Variants in ERICH1 observed in about 807,000 individuals in gnomAD.
ERICH1 encodes glutamate-rich protein 1.
A neutral mutation model predicts 39.6 loss-of-function variants in ERICH1; 56 were observed. The observed-to-expected ratio is 1.41, with a 90% CI of 1.14 to 1.77. ERICH1 has a LOEUF of 1.77. Among genes scored for constraint, ERICH1 ranks in the 40% most tolerant of loss-of-function variants. The pLI is 0.00. For missense variants in ERICH1, 826 were observed against 575.4 expected (o/e 1.44, Z -4.45); for synonymous variants, 313 against 223.6 (o/e 1.40, Z -3.57).
rs1327489189 is a variant in ERICH1, at chr8:634,181, AAAAAAC to A, written c.977-18903_977-18898del. ...ACTCCTAAAACTCAAAAAAAAAAAAAAAAAACAAACAAAAAAAACCCTGATTCAAAA... is the reference window on the plus strand; with the variant it reads ...ACTCCTAAAACTCAAAAAAAAAAAAAAAACAAAAAAAACCCTGATTCAAAA... On this transcript the variant is annotated intron_variant, in intron 3 of 3. Transcript: ENST00000522706. Among the ~76,000 whole-genome samples, 881 of 147,660 alleles carry A rather than the reference AAAAAAC, an allele frequency of 6.0e-3. 3 individuals carry two copies. The highest frequency in any genetic ancestry group is 0.021 in the African/African-American group (806 of 38,888).
chr8:665,211 C>A (rs769880342), intron 5 of ERICH1, among the ~76,000 whole-genome samples: 49 of 152,278 alleles, frequency 3.2e-4, no homozygotes, highest in South Asian at 1.5e-3. Context: ...CACCACCAAC[C>A]CTCAGAGCTT....
chr8:622,692 C>T (rs1193193121), intron 3 of ERICH1, among the ~76,000 whole-genome samples: 1 of 152,174 alleles, frequency 6.6e-6, no homozygotes, highest in Admixed American at 6.5e-5. Context: ...GTGGCTCACA[C>T]CTGTAATCCC....
intron 4 of ERICH1, 59 bp from the exon 5 acceptor site, chr8:668,851 GA>G: frequency 6.8e-7 from 1 of 1,476,348 alleles, no homozygotes; most frequent in Non-Finnish European, 9.1e-7. Context: ...ATAAACTAAA[GA>G]TAAGCTTTCC....
intron 3 of ERICH1, among the ~76,000 whole-genome samples, chr8:619,131 G>A (rs771222876): frequency 6.6e-6 from 1 of 151,788 alleles, no homozygotes; most frequent in Non-Finnish European, 1.5e-5. Flanking sequence ...AAAGAAAATG[G>A]GGGCCCTACT....
chr8:723,547 AAC>A (rs1480575446), intron 1 of ERICH1, among the ~76,000 whole-genome samples: 1 of 152,192 alleles, frequency 6.6e-6, no homozygotes, highest in Non-Finnish European at 1.5e-5. Context: ...AAAACCACAA[AAC>A]ACACACAAAC....
intron 3 of ERICH1, chr8:691,095 C>G (rs1808794691): frequency 6.6e-6 from 1 of 152,230 alleles, no homozygotes; most frequent in South Asian, 2.1e-4. Flanking sequence ...TGGGCATTTT[C>G]TCTTTCATTT....
At chr8:640,227 A>G (rs1480958427) in intron 3 of ERICH1, among the ~76,000 whole-genome samples, 1 of 152,228 alleles carries the variant, frequency 6.6e-6, no homozygotes, top group Non-Finnish European at 1.5e-5. Flanking sequence ...AAAAGGCAGC[A>G]GATGCTCCTT....
intron 3 of ERICH1, among the ~76,000 whole-genome samples, chr8:650,074 G>T (rs772507603): frequency 6.6e-6 from 1 of 152,220 alleles, no homozygotes; most frequent in Non-Finnish European, 1.5e-5. Flanking sequence ...CTTTCGTGCC[G>T]GTTCAGAAGA....
At chr8:632,814 G>A (rs1333234461) in intron 3 of ERICH1, among the ~76,000 whole-genome samples, 2 of 152,206 alleles carry the variant, frequency 1.3e-5, no homozygotes, top group South Asian at 4.1e-4. Flanking sequence ...ATTTGGCAAT[G>A]TGTGGAGTCA....
chr8:717,723 G>A (rs966260249), intron 1 of ERICH1, among the ~76,000 whole-genome samples: 7 of 152,258 alleles, frequency 4.6e-5, no homozygotes, highest in African/African-American at 1.7e-4. Flanking sequence ...GCCTGGGGCA[G>A]CCAACGCGGA....
chr8:716,036 G>T (rs372990979), intron 1 of ERICH1, 29 bp from the exon 2 acceptor site: 166 of 1,571,220 alleles, frequency 1.1e-4, no homozygotes, highest in Non-Finnish European at 1.3e-4. Flanking sequence ...AAAAGAAAAG[G>T]AGGAAAAGGA....
rs145737102 is a variant in ERICH1 at position 638,862 on chromosome 8, C to T, written c.977-23578G>A. ...ACGGCAGTCACCCGCTGCCCTTGTGCGCAATCGCTGCTCAGTGGACGCTGC... is the reference window on the plus strand; with the variant it reads ...ACGGCAGTCACCCGCTGCCCTTGTGTGCAATCGCTGCTCAGTGGACGCTGC... On this transcript the variant is annotated intron_variant, in intron 3 of 3. Transcript: ENST00000522706. 1.6e-3 allele frequency among the ~76,000 whole-genome samples: 245 copies of T among 152,208 alleles called. 3 individuals carry two copies. In the East Asian group the frequency reaches 0.043, roughly 27 times the overall value.
intron 3 of ERICH1, among the ~76,000 whole-genome samples, chr8:624,617 T>C (rs1359834748): frequency 6.6e-6 from 1 of 152,020 alleles, no homozygotes; most frequent in East Asian, 1.9e-4. Flanking sequence ...AAAGTCACAA[T>C]CCTGGCAGAA....
chr8:716,121 G>A (rs765916638), intron 1 of ERICH1, 114 bp from the exon 2 acceptor site: 16 of 1,298,292 alleles, frequency 1.2e-5, no homozygotes, highest in Middle Eastern at 4.7e-4. Context: ...AAGCACCAAC[G>A]GAGACCCAAG....
chr8:700,102 C>T (rs1262604472), intron 2 of ERICH1, among the ~76,000 whole-genome samples: 7 of 143,356 alleles, frequency 4.9e-5, no homozygotes, highest in African/African-American at 1.8e-4. Context: ...CGCACAGACC[C>T]GCACACGCGC....
chr8:620,261 G>C (rs539344368), intron 3 of ERICH1, among the ~76,000 whole-genome samples: 1 of 152,170 alleles, frequency 6.6e-6, no homozygotes, highest in Non-Finnish European at 1.5e-5. Flanking sequence ...GTAGTGAGCC[G>C]AGATTGTGCC....
chr8:666,105 C>G (rs951901737), intron 5 of ERICH1: 1 of 152,182 alleles, frequency 6.6e-6, no homozygotes, highest in South Asian at 2.1e-4. Context: ...TTCCTACACA[C>G]AGTTTAGTTC....
chr8:702,186 AAC>A (rs2132212935), intron 2 of ERICH1, among the ~76,000 whole-genome samples: 1 of 152,272 alleles, frequency 6.6e-6, no homozygotes, highest in East Asian at 1.9e-4. Flanking sequence ...GCTCCGCAGA[AAC>A]ACGGGCAAAG....
At chr8:700,656 T>C (rs1018955408) in intron 2 of ERICH1, among the ~76,000 whole-genome samples, 2 of 152,180 alleles carry the variant, frequency 1.3e-5, no homozygotes, top group African/African-American at 2.4e-5. Context: ...ATCACAGCTG[T>C]TTTATGTGCA....
Sources: allele counts gnomAD v4.1 joint callset (sites outside exome capture counted in the v4.1 genomes callset), GRCh38; gene constraint gnomAD v4.1.1; transcripts MANE v1.5; gene names NCBI Gene and HGNC (gene_info 2026-07-23, HGNC 2026-07-21).